Variants in SETBP1 observed in about 807,000 individuals in gnomAD.
SETBP1 encodes SET binding protein 1.
Under a neutral mutation model 101.0 loss-of-function variants are expected in SETBP1, and 9 were observed. That is an observed-to-expected ratio of 0.09 (90% confidence interval 0.05 to 0.16). SETBP1 has a LOEUF of 0.16. Ranked by LOEUF, SETBP1 falls within the 10% of genes least tolerant of loss-of-function variation. SETBP1 has a pLI of 1.00. For missense variants in SETBP1, 1,858 were observed against 2,033.8 expected (o/e 0.91, Z 1.66); for synonymous variants, 818 against 788.5 (o/e 1.04, Z -0.63).
rs553129295 is a variant in SETBP1 at position 44,725,826 on chromosome 18, T to G, written c.486+23994T>G. 2.6e-4 allele frequency among the ~76,000 whole-genome samples: 39 copies of G among 152,320 alleles called. No homozygotes were observed. In the South Asian group the frequency reaches 7.5e-3, roughly 29 times the overall value. ...CATACCTCCCCCCTCCAACTCCGTTTTCTTCCCACAGCCACCAAAGCCAAT... is the reference window on the plus strand; with the variant it reads ...CATACCTCCCCCCTCCAACTCCGTTGTCTTCCCACAGCCACCAAAGCCAAT... On this transcript the variant is annotated intron_variant, in intron 2 of 5. Transcript: ENST00000649279.
At chr18:45,024,060 G>A (rs564156440) in intron 4 of SETBP1, among the ~76,000 whole-genome samples, 3 of 152,240 alleles carry the variant, frequency 2.0e-5, no homozygotes, top group Non-Finnish European at 4.4e-5. Context: ...ACTGACTAAC[G>A]TATTTGGATT....
intron 4 of SETBP1, among the ~76,000 whole-genome samples, chr18:45,036,996 A>G: frequency 6.6e-6 from 1 of 152,208 alleles, no homozygotes; most frequent in Non-Finnish European, 1.5e-5. Flanking sequence ...TGTAAAATTG[A>G]GAAAATGGTA....
At chr18:44,933,677 A>G (rs1309598068) in intron 3 of SETBP1, among the ~76,000 whole-genome samples, 1 of 152,150 alleles carries the variant, frequency 6.6e-6, no homozygotes, top group Non-Finnish European at 1.5e-5. Context: ...GCCTTGCTGC[A>G]GCCTTGCAGT....
chr18:44,797,958 C>G (rs917443317), intron 2 of SETBP1, among the ~76,000 whole-genome samples: 2 of 152,258 alleles, frequency 1.3e-5, no homozygotes, highest in Non-Finnish European at 2.9e-5. Flanking sequence ...TCATGTTGGG[C>G]TTGCTCTTGA....
intron 4 of SETBP1, among the ~76,000 whole-genome samples, chr18:45,020,684 G>A (rs2073041917): frequency 6.6e-6 from 1 of 152,176 alleles, no homozygotes; most frequent in Admixed American, 6.5e-5. Context: ...AGATAAGTGA[G>A]TCTGGAAATC....
At chr18:44,864,805 C>A (rs867241156) in intron 2 of SETBP1, among the ~76,000 whole-genome samples, 1 of 152,028 alleles carries the variant, frequency 6.6e-6, no homozygotes, top group Non-Finnish European at 1.5e-5. Context: ...AGGGCCATGG[C>A]GAATTTCATT....
At chr18:45,032,019 C>T (rs2073307104) in intron 4 of SETBP1, among the ~76,000 whole-genome samples, 1 of 152,132 alleles carries the variant, frequency 6.6e-6, no homozygotes, top group South Asian at 2.1e-4. Flanking sequence ...CATTTTCCAG[C>T]CCTGGCAGGC....
chr18:45,053,133 A>G (rs1410748970), intron 5 of SETBP1, among the ~76,000 whole-genome samples: 1 of 152,176 alleles, frequency 6.6e-6, no homozygotes, highest in Non-Finnish European at 1.5e-5. Context: ...GTTGGGGGAA[A>G]AAAAAAATGC....
chr18:44,764,824 A>G (rs560770549), intron 2 of SETBP1, among the ~76,000 whole-genome samples: 1 of 152,228 alleles, frequency 6.6e-6, no homozygotes, highest in Non-Finnish European at 1.5e-5. Flanking sequence ...AATGCATACT[A>G]CATATTTTAC....
intron 2 of SETBP1, among the ~76,000 whole-genome samples, chr18:44,735,120 T>C (rs964468584): frequency 3.3e-5 from 5 of 152,236 alleles, no homozygotes; most frequent in African/African-American, 4.8e-5. Context: ...TATTCATTAA[T>C]CCCAAGAAAG....
chr18:44,897,061 C>T (rs2069922292), intron 3 of SETBP1, among the ~76,000 whole-genome samples: 1 of 152,198 alleles, frequency 6.6e-6, no homozygotes, highest in Non-Finnish European at 1.5e-5. Flanking sequence ...TCTGGTGGGG[C>T]AGCTGTGCAC....
At chr18:44,762,861 T>C (rs1180807613) in intron 2 of SETBP1, among the ~76,000 whole-genome samples, 1 of 152,250 alleles carries the variant, frequency 6.6e-6, no homozygotes, top group Non-Finnish European at 1.5e-5. Flanking sequence ...TTAAGTTAGA[T>C]CATTCTTTTT....
intron 2 of SETBP1, among the ~76,000 whole-genome samples, chr18:44,706,590 T>TCAAAAAAAAAAAA (rs2069222835): frequency 2.1e-4 from 1 of 4,670 alleles, no homozygotes; most frequent in African/African-American, 1.3e-3. Flanking sequence ...AGACTCAATC[T>TCAAAAAAAAAAAA]CAAAAAAAAA....
At chr18:44,844,416 A>G (rs1653563075) in intron 2 of SETBP1, among the ~76,000 whole-genome samples, 1 of 152,034 alleles carries the variant, frequency 6.6e-6, no homozygotes, top group Admixed American at 6.6e-5. Flanking sequence ...CTAGAGAGAC[A>G]TACTTCCTGC....
intron 4 of SETBP1, among the ~76,000 whole-genome samples, chr18:44,978,646 T>C (rs939057574): frequency 4.6e-5 from 7 of 152,198 alleles, no homozygotes; most frequent in Non-Finnish European, 8.8e-5. Flanking sequence ...AATGTCAAAA[T>C]GGAAGCTTGC....
intron 2 of SETBP1, among the ~76,000 whole-genome samples, chr18:44,790,756 A>G (rs1458745346): frequency 6.6e-6 from 1 of 152,114 alleles, no homozygotes; most frequent in African/African-American, 2.4e-5. Flanking sequence ...TGGGATTTTT[A>G]AGAGTTGTGT....
intron 5 of SETBP1, among the ~76,000 whole-genome samples, chr18:45,054,413 C>T (rs963591878): frequency 5.3e-5 from 8 of 152,110 alleles, no homozygotes; most frequent in African/African-American, 1.9e-4. Context: ...GTCTCAAACT[C>T]CTGACCTCGT....
intron 3 of SETBP1, among the ~76,000 whole-genome samples, chr18:44,937,291 A>C (rs12604731): frequency 0.29 from 43,978 of 150,794 alleles, 6,719 homozygotes; most frequent in African/African-American, 0.4. Flanking sequence ...TCTCTACTAA[A>C]AATACAAAAA....
At chr18:44,819,248 T>G (rs1447178807) in intron 2 of SETBP1, among the ~76,000 whole-genome samples, 3 of 152,174 alleles carry the variant, frequency 2.0e-5, no homozygotes, top group Non-Finnish European at 4.4e-5. Flanking sequence ...TGGTTTCCTT[T>G]TGAGCAGTAG....
Sources: gnomAD v4.1 joint callset for allele counts (sites outside exome capture counted in the v4.1 genomes callset) on GRCh38, gnomAD v4.1.1 for gene constraint, MANE v1.5 for transcripts, NCBI Gene and HGNC (gene_info 2026-07-23, HGNC 2026-07-21) for gene names.